Variants in CFAP47 observed in about 807,000 individuals in gnomAD.
CFAP47 encodes cilia- and flagella-associated protein 47.
In CFAP47, 29 loss-of-function variants were observed where a neutral mutation model predicts 148.1. That is an observed-to-expected ratio of 0.20 (90% CI 0.15 to 0.27). The LOEUF is 0.27. Ranked by LOEUF, CFAP47 falls within the 10% of genes least tolerant of loss-of-function variation. The pLI, the probability that CFAP47 is intolerant of heterozygous loss-of-function variation, is 1.00. For missense variants in CFAP47, 1,872 were observed against 1,697.5 expected (o/e 1.10, Z -1.81); for synonymous variants, 664 against 577.3 (o/e 1.15, Z -2.15).
In CFAP47 at chrX:36,251,385, C is replaced by G; in HGVS notation, c.7385C>G (p.Pro2462Arg). Residue 2462 changes from proline (P) to arginine (R), a missense_variant, in exon 49 of 64, where the codon CCT (proline) becomes CGT (arginine). Coordinates refer to ENST00000378653, the MANE Select transcript of CFAP47 (RefSeq NM_001304548.2). ...GGAAATCCACAAATTACAGTATACCCTTATAAAGAAATTCTGTACCTGATT... is the reference window on the plus strand; with the variant it reads ...GGAAATCCACAAATTACAGTATACCGTTATAAAGAAATTCTGTACCTGATT... Reference protein sequence around the residue: ...VWGNPQITVYPYKEILYLIHV... With the variant: ...VWGNPQITVYRYKEILYLIHV... 2.0e-6 allele frequency: 1 copy of G among 508,664 alleles called. No homozygotes were observed. 41.9% of individuals were successfully genotyped at this position (508,664 alleles called of 1,213,427 possible). A position where few individuals can be genotyped will look rare whatever the true frequency, so the allele number is the denominator to read the frequency against.
intron 15 of CFAP47, among the ~76,000 whole-genome samples, chrX:35,984,164 T>C (rs891268995): frequency 2.7e-5 from 3 of 111,946 alleles, no homozygotes; most frequent in Admixed American, 9.5e-5. Flanking sequence ...GTTCAGGGTT[T>C]CACTTTCTTT....
In CFAP47 at chrX:36,357,953, C is replaced by T. The variant is rs185461576; in HGVS notation, c.8852-3377C>T. ...TTTATGTGACATATGTGTCTCATTT[C>T]ATCCCAGGCCAGTCATCTTCCTGTG... is the stretch of plus-strand genomic sequence containing the variant. On this transcript the variant is annotated intron_variant, in intron 60 of 63. Coordinates refer to ENST00000378653, the MANE Select transcript of CFAP47 (RefSeq NM_001304548.2). Among the ~76,000 whole-genome samples, 396 of 111,583 alleles carry T rather than the reference C, an allele frequency of 3.5e-3. 3 individuals are homozygous for T. The highest frequency in any genetic ancestry group is 0.012 in the African/African-American group (380 of 30,700).
chrX:36,274,111 TACTC>T (rs781938534), intron 49 of CFAP47, among the ~76,000 whole-genome samples: 29 of 112,201 alleles, frequency 2.6e-4, no homozygotes, highest in Non-Finnish European at 4.9e-4. Context: ...AGTCTTGTAA[TACTC>T]ATATAGGGCT....
intron 49 of CFAP47, among the ~76,000 whole-genome samples, chrX:36,278,224 T>C (rs1477317366): frequency 8.9e-6 from 1 of 112,081 alleles, no homozygotes; most frequent in African/African-American, 3.2e-5. Flanking sequence ...TCAGGCCTTG[T>C]TGAGCTGCGG....
intron 49 of CFAP47, among the ~76,000 whole-genome samples, chrX:36,261,807 G>A (rs1181814060): frequency 4.5e-5 from 5 of 111,348 alleles, no homozygotes; most frequent in Admixed American, 3.8e-4. Flanking sequence ...AACCGCCATC[G>A]TCATCATGGC....
chrX:36,160,368 G>A (rs1404192764), intron 38 of CFAP47, among the ~76,000 whole-genome samples: 3 of 112,048 alleles, frequency 2.7e-5, no homozygotes, highest in East Asian at 2.8e-4. Context: ...ATATGGCTGG[G>A]CTTAGCCTGT....
chrX:36,000,418 G>T lies in CFAP47; in HGVS notation c.3313G>T (p.Asp1105Tyr). 1 of 293,845 alleles carries T rather than the reference G, an allele frequency of 3.4e-6. No homozygotes were observed. The highest frequency in any genetic ancestry group is 2.0e-4 in the South Asian group (1 of 4,959). 24.2% of individuals were successfully genotyped at this position (293,845 alleles called of 1,213,427 possible). A position where few individuals can be genotyped will look rare whatever the true frequency, so the allele number is the denominator to read the frequency against. ...TCCGGATTTTTCAATGGATCTTAAA[G>T]ACAAATCAGGTATATATTTTGTATA... ...DFPDFSMDLK[D>Y]KSEEFKDPAV... Residue 1105 changes from aspartate to tyrosine, a missense_variant, in exon 20 of 64, where the codon GAC (aspartate) becomes TAC (tyrosine). Asp to Tyr is a radical substitution (Grantham distance 160). Transcript: ENST00000378653.
chrX:36,272,626 C>T (rs1187924562), intron 49 of CFAP47, among the ~76,000 whole-genome samples: 1 of 110,702 alleles, frequency 9.0e-6, no homozygotes, highest in Non-Finnish European at 1.9e-5. Flanking sequence ...CTTTAAAGGG[C>T]AGTATTTTTC....
chrX:36,040,312 C>T (rs926973681), intron 25 of CFAP47, among the ~76,000 whole-genome samples: 3 of 111,959 alleles, frequency 2.7e-5, no homozygotes, highest in Non-Finnish European at 5.6e-5. Context: ...TTAAAATAGT[C>T]TTAAAATGTG....
intron 59 of CFAP47, among the ~76,000 whole-genome samples, chrX:36,351,265 G>A (rs1160638561): frequency 1.8e-5 from 2 of 111,353 alleles, no homozygotes; most frequent in Non-Finnish European, 3.8e-5. Context: ...TTTTATTCTT[G>A]ACTTTAAAAA....
At chrX:36,306,015 A>C (rs1556008740) in intron 54 of CFAP47, among the ~76,000 whole-genome samples, 1 of 112,349 alleles carries the variant, frequency 8.9e-6, no homozygotes, top group Admixed American at 9.5e-5. Flanking sequence ...GGATTGAAAG[A>C]TACTGCTTAA....
chrX:36,119,810 G>A (rs1938707722), intron 33 of CFAP47, among the ~76,000 whole-genome samples: 1 of 111,162 alleles, frequency 9.0e-6, no homozygotes, highest in African/African-American at 3.3e-5. Context: ...CAAGGAATTT[G>A]TCCATTCCTT....
intron 22 of CFAP47, among the ~76,000 whole-genome samples, chrX:36,019,342 A>G (rs950485819): frequency 3.6e-5 from 4 of 112,085 alleles, no homozygotes; most frequent in Non-Finnish European, 7.5e-5. Context: ...CCTCGGCCTA[A>G]AGCAAACACG....
chrX:36,171,015 T>A (rs1167714809), intron 39 of CFAP47, among the ~76,000 whole-genome samples: 1 of 111,326 alleles, frequency 9.0e-6, no homozygotes, highest in African/African-American at 3.3e-5. Flanking sequence ...GGTATCTCAT[T>A]GTGGTTTTGA....
intron 46 of CFAP47, among the ~76,000 whole-genome samples, chrX:36,230,085 CT>C (rs1458107718): frequency 1.9e-5 from 2 of 107,763 alleles, no homozygotes; most frequent in Non-Finnish European, 3.8e-5. Flanking sequence ...GTGCATGTGT[CT>C]TTATAGCAGC....
intron 55 of CFAP47, among the ~76,000 whole-genome samples, chrX:36,310,114 C>CA (rs34799794): frequency 0.18 from 20,268 of 109,887 alleles, 1,463 homozygotes; most frequent in South Asian, 0.31. Context: ...TATTCATCTG[C>CA]ACATTACCAA....
chrX:36,292,191 G>T (rs1028288418), intron 51 of CFAP47, among the ~76,000 whole-genome samples: 1 of 111,096 alleles, frequency 9.0e-6, no homozygotes. Flanking sequence ...TATGGTGGAG[G>T]ATTGGGGATT....
intron 45 of CFAP47, 85 bp downstream of exon 45, chrX:36,205,195 C>T: frequency 3.4e-6 from 1 of 291,740 alleles, no homozygotes; most frequent in Non-Finnish European, 6.0e-6. Context: ...AAAGAGATTA[C>T]ACTTTTACTG....
intron 33 of CFAP47, among the ~76,000 whole-genome samples, chrX:36,118,227 CTTTTAGAAA>C (rs976883910): frequency 1.8e-5 from 2 of 111,262 alleles, no homozygotes; most frequent in African/African-American, 3.3e-5. Flanking sequence ...TATTCTGGGT[CTTTTAGAAA>C]TTTTAGAAAT....
Sources: gnomAD v4.1 joint callset for allele counts (sites outside exome capture counted in the v4.1 genomes callset) on GRCh38, gnomAD v4.1.1 for gene constraint, MANE v1.5 for transcripts, NCBI Gene and HGNC (gene_info 2026-07-23, HGNC 2026-07-21) for gene names.